POU2F1: variants seen among roughly 807,000 people sequenced by gnomAD.
POU2F1 encodes the protein POU class 2 homeobox 1, also known as POU domain, class 2, transcription factor 1.
A neutral mutation model predicts 84.9 loss-of-function variants in POU2F1; 16 were observed. That is an observed-to-expected ratio of 0.19 (90% CI 0.13 to 0.29). The LOEUF is 0.29. Ranked by LOEUF, POU2F1 falls within the 10% of genes least tolerant of loss-of-function variation. The probability of loss-of-function intolerance (pLI) is 1.00; values close to 1 mark genes in which losing one functional copy is unlikely to be tolerated. For missense variants in POU2F1, 738 were observed against 942.6 expected, an observed-to-expected ratio of 0.78 and a Z score of 2.84; for synonymous variants, 368 against 368.3, an observed-to-expected ratio of 1.00 and a Z score of 0.01.
chr1:167,394,045 G>T (rs1028908297), intron 9 of POU2F1, among the ~76,000 whole-genome samples: 1 of 150,930 alleles, frequency 6.6e-6, no homozygotes, highest in Non-Finnish European at 1.5e-5. Flanking sequence ...TTGAGACAGA[G>T]TCTCACTTTG....
chr1:167,325,267 G>C (rs1656619596), intron 1 of POU2F1, among the ~76,000 whole-genome samples: 1 of 152,106 alleles, frequency 6.6e-6, no homozygotes, highest in African/African-American at 2.4e-5. Flanking sequence ...GATTGGCTGG[G>C]GTGAAACCAG....
In POU2F1 at chr1:167,418,226, G is replaced by A. The variant is rs756792137; in HGVS notation, c.*2416G>A. 2.0e-5 allele frequency: 3 copies of A among 152,144 alleles called. No homozygotes were observed. The highest frequency in any genetic ancestry group is 4.4e-5 in the Non-Finnish European group (3 of 68,020). 9.4% of individuals were successfully genotyped at this position (152,144 alleles called of 1,614,324 possible). A position where few individuals can be genotyped will look rare whatever the true frequency, so the allele number is the denominator to read the frequency against. On this transcript the variant is annotated 3_prime_UTR_variant, in exon 16 of 16. Coordinates refer to ENST00000367866, the MANE Select transcript of POU2F1 (RefSeq NM_002697.4). The stretch of plus-strand genomic sequence containing the variant: ...TAATTTTATATGAAAGTTGCTGCTT[G>A]TTTTTAATCTTTTATGTTGGTAAAT...
chr1:167,410,735 C>T (rs1043284869), intron 13 of POU2F1, among the ~76,000 whole-genome samples: 7 of 151,950 alleles, frequency 4.6e-5, no homozygotes, highest in Non-Finnish European at 8.8e-5. Flanking sequence ...AGGCTGGTTT[C>T]GAGCTCCTGA....
intron 2 of POU2F1, among the ~76,000 whole-genome samples, chr1:167,341,992 T>C (rs993933865): frequency 5.3e-5 from 8 of 152,126 alleles, no homozygotes; most frequent in African/African-American, 1.9e-4. Flanking sequence ...AGACATTCCT[T>C]CTCTTCTCTC....
intron 1 of POU2F1, among the ~76,000 whole-genome samples, chr1:167,288,533 G>C (rs751878854): frequency 2.0e-5 from 3 of 152,084 alleles, no homozygotes; most frequent in Non-Finnish European, 2.9e-5. Flanking sequence ...TACAAAAACA[G>C]TTAAAAATTA....
At chr1:167,319,280 C>T (rs1656143639) in intron 1 of POU2F1, among the ~76,000 whole-genome samples, 1 of 152,162 alleles carries the variant, frequency 6.6e-6, no homozygotes, top group Non-Finnish European at 1.5e-5. Context: ...TATTATTTTA[C>T]CTGTTTCCCA....
intron 1 of POU2F1, among the ~76,000 whole-genome samples, chr1:167,231,343 A>G (rs369812615): frequency 2.0e-5 from 3 of 152,194 alleles, no homozygotes; most frequent in South Asian, 2.1e-4. Flanking sequence ...GTACCTGAAT[A>G]TTTATTAAAA....
rs1647773481 is a variant in POU2F1, at chr1:167,384,038, A to G, written c.813+87A>G. ...TTTATTTAATTTTTTTTTTAAATCT[A>G]ATAAAAATAATTCGGTCTTCGAAAA... On this transcript the variant is annotated intron_variant, in intron 8 of 15. Coordinates refer to ENST00000367866, the MANE Select transcript of POU2F1 (RefSeq NM_002697.4). 2.5e-5 allele frequency: 28 copies of G among 1,128,268 alleles called. No individual in the cohort carries two copies. In the South Asian group the frequency reaches 4.9e-4, roughly 20 times the overall value. The allele number at this position is 1,128,268 out of a possible 1,614,324, so 69.9% of individuals were successfully genotyped here.
intron 1 of POU2F1, among the ~76,000 whole-genome samples, chr1:167,328,061 T>A (rs1363292452): frequency 3.3e-5 from 5 of 152,174 alleles, no homozygotes; most frequent in Non-Finnish European, 4.4e-5. Context: ...ACATATAGTT[T>A]AGTAAGGATT....
chr1:167,291,046 A>G lies in POU2F1; in HGVS notation c.62-41424A>G, dbSNP rs1380436345. 6.3e-3 allele frequency among the ~76,000 whole-genome samples: 100 copies of G among 15,808 alleles called. 2 individuals carry two copies. In the East Asian group the frequency reaches 0.29, roughly 45 times the overall value. 10.4% of individuals were successfully genotyped at this position (15,808 alleles called of 152,430 possible). On this transcript the variant is annotated intron_variant, in intron 1 of 15. Coordinates refer to ENST00000367866, the MANE Select transcript of POU2F1 (RefSeq NM_002697.4). ...GGTTAAAGAGTGAGACCCTGTCAGA[A>G]AAAAAAAAAAAAAAAAAAGTCATTT...
intron 1 of POU2F1, chr1:167,319,051 C>G (rs911367951): frequency 6.5e-6 from 1 of 153,484 alleles, no homozygotes; most frequent in Non-Finnish European, 1.5e-5. Context: ...CTTGATCTGT[C>G]CCCAGGTAGG....
At chr1:167,324,963 A>G (rs1656595717) in intron 1 of POU2F1, among the ~76,000 whole-genome samples, 2 of 152,178 alleles carry the variant, frequency 1.3e-5, no homozygotes, top group Non-Finnish European at 2.9e-5. Context: ...GTTGACAAGA[A>G]TGGTGGCAGT....
chr1:167,365,715 G>A, intron 3 of POU2F1, 148 bp downstream of exon 3: 1 of 581,434 alleles, frequency 1.7e-6, no homozygotes, highest in Non-Finnish European at 2.9e-6. Flanking sequence ...TATTTGGTTA[G>A]TATGAAATCC....
At chr1:167,352,245 G>A (rs531901214) in intron 2 of POU2F1, among the ~76,000 whole-genome samples, 82 of 152,268 alleles carry the variant, frequency 5.4e-4, no homozygotes, top group African/African-American at 1.8e-3. Context: ...TGACAAAGTT[G>A]TCCTTTATAA....
intron 3 of POU2F1, among the ~76,000 whole-genome samples, chr1:167,368,461 G>T: frequency 6.6e-6 from 1 of 151,540 alleles, no homozygotes; most frequent in South Asian, 2.1e-4. Context: ...TTTGCCTCCT[G>T]GTAAGTAATA....
intron 1 of POU2F1, among the ~76,000 whole-genome samples, chr1:167,287,289 A>G (rs1308341975): frequency 6.6e-6 from 1 of 152,254 alleles, no homozygotes; most frequent in East Asian, 1.9e-4. Context: ...TGGGAAACCC[A>G]GAGATAAGAA....
In POU2F1 at chr1:167,425,211, G is replaced by A. The variant is rs1170882542; in HGVS notation, c.*9401G>A. The A allele has an allele frequency of 1.3e-5, 2 of 152,002 alleles. No individual in the cohort carries two copies. Among genetic ancestry groups the A allele is most frequent in the Non-Finnish European group, 2.9e-5 (2 of 68,022 alleles). 9.4% of individuals were successfully genotyped at this position (152,002 alleles called of 1,614,324 possible). Reference sequence around the variant, plus strand: ...TCATGATACTGCTGCTATAAGCCAGGGGAGGGTGGTTTCTTTGTTTTGTTT... The same window carrying A: ...TCATGATACTGCTGCTATAAGCCAGAGGAGGGTGGTTTCTTTGTTTTGTTT... On this transcript the variant is annotated 3_prime_UTR_variant, in exon 16 of 16. Coordinates refer to ENST00000367866, the MANE Select transcript of POU2F1 (RefSeq NM_002697.4).
Position 167,401,497 on chromosome 1 carries a change from TCA to T in POU2F1, c.1499_1500del (p.Thr500SerfsTer65). ...GTGACTAGCAGTGCAGCAACTACCCTCACAGTCAGCCCTGTCCTCCCTCTGAC... is the reference window on the plus strand; with the variant it reads ...GTGACTAGCAGTGCAGCAACTACCCTCAGTCAGCCCTGTCCTCCCTCTGAC... On this transcript the variant is annotated frameshift_variant, in exon 13 of 16. Coordinates refer to ENST00000367866, the MANE Select transcript of POU2F1 (RefSeq NM_002697.4). LOFTEE classifies it high-confidence loss of function. 6.2e-7 allele frequency: 1 copy of T among 1,613,404 alleles called. No homozygotes were observed. Among genetic ancestry groups the T allele is most frequent in the Non-Finnish European group, 8.5e-7 (1 of 1,179,772 alleles).
At chr1:167,303,734 T>C (rs987367853) in intron 1 of POU2F1, among the ~76,000 whole-genome samples, 1 of 152,168 alleles carries the variant, frequency 6.6e-6, no homozygotes, top group Non-Finnish European at 1.5e-5. Flanking sequence ...TATTTATTGA[T>C]ATGATGGAGT....
Sources: gnomAD v4.1 joint callset for allele counts (sites outside exome capture counted in the v4.1 genomes callset) on GRCh38, gnomAD v4.1.1 for gene constraint, MANE v1.5 for transcripts, NCBI Gene and HGNC (gene_info 2026-07-23, HGNC 2026-07-21) for gene names.